The following CTNNA3 variants were observed in gnomAD, a reference collection of about 807,000 sequenced individuals.
The protein encoded by CTNNA3 is catenin alpha-3.
A neutral mutation model predicts 95.7 loss-of-function variants in CTNNA3; 76 were observed. That is an observed-to-expected ratio of 0.79 (90% CI 0.66 to 0.96). CTNNA3 has a LOEUF of 0.96. Ranked by LOEUF, CTNNA3 falls within the 40% of genes least tolerant of loss-of-function variation. CTNNA3 has a pLI of 0.00. For synonymous variants in CTNNA3, 431 were observed against 374.4 expected, an observed-to-expected ratio of 1.15 and a Z score of -1.74; for missense variants, 1,191 against 1,089.8, an observed-to-expected ratio of 1.09 and a Z score of -1.31.
At chr10:66,590,280 C>G (rs1295865382) in intron 10 of CTNNA3, among the ~76,000 whole-genome samples, 1 of 152,028 alleles carries the variant, frequency 6.6e-6, no homozygotes, top group Admixed American at 6.6e-5. Flanking sequence ...TTGCTTAAAG[C>G]CACATCATTA....
chr10:66,481,913 C>T (rs915279716), intron 11 of CTNNA3, among the ~76,000 whole-genome samples: 2 of 150,710 alleles, frequency 1.3e-5, no homozygotes, highest in African/African-American at 4.9e-5. Flanking sequence ...ATTTGTATAC[C>T]CATGTTAGAA....
intron 10 of CTNNA3, among the ~76,000 whole-genome samples, chr10:66,606,315 T>C (rs1344368537): frequency 2.0e-5 from 3 of 151,994 alleles, no homozygotes; most frequent in African/African-American, 7.3e-5. Context: ...TCCCACACAA[T>C]AATACTGGGA....
At chr10:67,521,420 T>C (rs1468519928) in intron 5 of CTNNA3, among the ~76,000 whole-genome samples, 1 of 152,188 alleles carries the variant, frequency 6.6e-6, no homozygotes, top group African/African-American at 2.4e-5. Context: ...TATTTTGGCA[T>C]ATTTATGACT....
intron 5 of CTNNA3, among the ~76,000 whole-genome samples, chr10:67,467,622 A>T (rs1367947234): frequency 6.6e-6 from 1 of 152,156 alleles, no homozygotes; most frequent in Non-Finnish European, 1.5e-5. Flanking sequence ...ATGTGTTTAA[A>T]AACATAGGCT....
Position 66,648,523 on chromosome 10 carries a change from T to A in CTNNA3, c.1282-26739A>T, listed in dbSNP as rs12240633. On this transcript the variant is annotated intron_variant, in intron 9 of 17. Transcript: ENST00000433211. The stretch of plus-strand genomic sequence containing the variant: ...AAGAGTCGAATATGCGAATCCTACC[T>A]AAAGACCGGGGACAAGTGATCCTTA... Among the ~76,000 whole-genome samples, 478 of 152,248 alleles carry A rather than the reference T, an allele frequency of 3.1e-3. 3 individuals carry two copies. Among genetic ancestry groups the A allele is most frequent in the African/African-American group, 0.011 (451 of 41,548 alleles).
intron 1 of CTNNA3, among the ~76,000 whole-genome samples, chr10:67,746,314 A>G (rs533321414): frequency 6.6e-5 from 10 of 152,156 alleles, no homozygotes; most frequent in Non-Finnish European, 1.2e-4. Flanking sequence ...AAGAACATAC[A>G]GTGGGGAAAG....
chr10:66,165,486 T>G (rs573694420), intron 13 of CTNNA3, among the ~76,000 whole-genome samples: 1 of 152,064 alleles, frequency 6.6e-6, no homozygotes, highest in African/African-American at 2.4e-5. Flanking sequence ...AAAGCTGAAA[T>G]TATAAAAAAC....
intron 5 of CTNNA3, among the ~76,000 whole-genome samples, chr10:67,309,048 A>G (rs1044161046): frequency 2.6e-5 from 4 of 152,180 alleles, no homozygotes; most frequent in Non-Finnish European, 5.9e-5. Context: ...ATTTTGTGAA[A>G]AACTTTGAAG....
chr10:66,080,075 A>G (rs145890520), intron 14 of CTNNA3, among the ~76,000 whole-genome samples: 104 of 152,232 alleles, frequency 6.8e-4, no homozygotes, highest in Middle Eastern at 6.8e-3. Context: ...CAAAGTTAGC[A>G]GAAGTTTCCA....
intron 9 of CTNNA3, among the ~76,000 whole-genome samples, chr10:66,749,112 A>C (rs1839011885): frequency 6.8e-6 from 1 of 146,020 alleles, no homozygotes; most frequent in Admixed American, 7.0e-5. Flanking sequence ...CTGAGACAGG[A>C]GAATCACTTG....
At chr10:66,035,537 ATT>A (rs3884199) in intron 15 of CTNNA3, among the ~76,000 whole-genome samples, 15 of 147,224 alleles carry the variant, frequency 1.0e-4, no homozygotes, top group African/African-American at 3.7e-4. Context: ...GAATGAGGGT[ATT>A]TTTTTTTTTT....
At chr10:67,046,323 C>A (rs1239537477) in intron 7 of CTNNA3, among the ~76,000 whole-genome samples, 6 of 152,142 alleles carry the variant, frequency 3.9e-5, no homozygotes, top group Admixed American at 3.9e-4. Context: ...ATCAAATATG[C>A]CAGGTTTCAA....
In CTNNA3 at chr10:67,500,466, C is replaced by T. The variant is rs547564366; in HGVS notation, c.579+21376G>A. Among the ~76,000 whole-genome samples, 20 of 152,234 alleles carry T rather than the reference C, an allele frequency of 1.3e-4. No homozygotes were observed. The East Asian group carries it at 3.7e-3, about 28-fold the overall frequency. ...TAGGTCTGTTTGTTCCAGAGCTGAG[C>T]TCAAGTCCTGAACATCCTTGTTAAT... On this transcript the variant is annotated intron_variant, in intron 5 of 17. Transcript: ENST00000433211.
intron 7 of CTNNA3, among the ~76,000 whole-genome samples, chr10:66,845,628 G>A (rs1347418112): frequency 6.8e-6 from 1 of 147,240 alleles, no homozygotes; most frequent in East Asian, 2.0e-4. Flanking sequence ...GCTTGAACCC[G>A]GGAGGGAGAG....
intron 13 of CTNNA3, among the ~76,000 whole-genome samples, chr10:66,174,474 T>C (rs2085604506): frequency 6.6e-6 from 1 of 152,128 alleles, no homozygotes; most frequent in Admixed American, 6.6e-5. Context: ...TAGTAGGCAT[T>C]CAAAGAAGGT....
chr10:66,714,093 C>A (rs1193434469), intron 9 of CTNNA3, among the ~76,000 whole-genome samples: 1 of 152,020 alleles, frequency 6.6e-6, no homozygotes, highest in Non-Finnish European at 1.5e-5. Flanking sequence ...AAAGAGGAGA[C>A]CACACCCAAA....
chr10:66,281,177 G>A (rs2091484953), intron 12 of CTNNA3, among the ~76,000 whole-genome samples: 1 of 151,756 alleles, frequency 6.6e-6, no homozygotes, highest in Admixed American at 6.6e-5. Context: ...TTAGTGAAAA[G>A]GAATTGGCAT....
chr10:67,082,643 T>C (rs1161304348), intron 7 of CTNNA3, among the ~76,000 whole-genome samples: 1 of 152,130 alleles, frequency 6.6e-6, no homozygotes, highest in Non-Finnish European at 1.5e-5. Context: ...AAGGAAACCG[T>C]GCAGGAATTA....
intron 7 of CTNNA3, among the ~76,000 whole-genome samples, chr10:66,791,308 C>T (rs1840955824): frequency 6.6e-6 from 1 of 152,212 alleles, no homozygotes; most frequent in Non-Finnish European, 1.5e-5. Context: ...CCAGCTCCAT[C>T]TCAAGCCACC....
Sources: allele counts gnomAD v4.1 joint callset (sites outside exome capture counted in the v4.1 genomes callset), GRCh38; gene constraint gnomAD v4.1.1; transcripts MANE v1.5; gene names NCBI Gene and HGNC (gene_info 2026-07-23, HGNC 2026-07-21).